FAT3: variants seen among roughly 807,000 people sequenced by gnomAD.
FAT3 encodes the protein protocadherin Fat 3.
FAT3 carries 95 observed loss-of-function variants against 310.2 expected under a neutral mutation model. That is an observed-to-expected ratio of 0.31 (90% CI 0.26 to 0.36). The LOEUF (loss-of-function observed/expected upper bound fraction) is 0.36. Among genes scored for constraint, FAT3 ranks in the 10% least tolerant of loss-of-function variants. The pLI is 1.00. For missense variants in FAT3, 5,408 were observed against 5,715.6 expected, an observed-to-expected ratio of 0.95 and a Z score of 1.74; for synonymous variants, 2,314 against 2,192.9, an observed-to-expected ratio of 1.06 and a Z score of -1.54.
chr11:92,640,342 G>A (rs2135726020), intron 3 of FAT3, among the ~76,000 whole-genome samples: 1 of 152,182 alleles, frequency 6.6e-6, no homozygotes, highest in South Asian at 2.1e-4. Flanking sequence ...TGAACATGAT[G>A]TTTGCTTTTA....
chr11:92,573,557 G>A (rs2135510988), intron 3 of FAT3, among the ~76,000 whole-genome samples: 1 of 152,286 alleles, frequency 6.6e-6, no homozygotes, highest in East Asian at 1.9e-4. Context: ...ATGATCTTAA[G>A]ATGATATCAT....
intron 19 of FAT3, among the ~76,000 whole-genome samples, chr11:92,856,594 T>C (rs563776198): frequency 6.8e-4 from 104 of 152,290 alleles, no homozygotes; most frequent in African/African-American, 2.3e-3. Flanking sequence ...AGCCTTCCCT[T>C]GCCAAGGATA....
Position 92,392,874 on chromosome 11 carries a change from T to C in FAT3, c.3292+37470T>C, listed in dbSNP as rs187103939. Among the ~76,000 whole-genome samples, 2 of 152,276 alleles carry C rather than the reference T, an allele frequency of 1.3e-5. 1 individual carries two copies. The highest frequency in any genetic ancestry group is 3.9e-4 in the East Asian group (2 of 5,182). On this transcript the variant is annotated intron_variant, in intron 2 of 27. Transcript: ENST00000525166. ...TAGCAGGTGATCAGCAAATATTTGT[T>C]GATTGACTGAATGAATCTGATGAAG...
intron 1 of FAT3, among the ~76,000 whole-genome samples, chr11:92,269,162 A>C (rs1277641538): frequency 6.6e-6 from 1 of 152,160 alleles, no homozygotes; most frequent in African/African-American, 2.4e-5. Context: ...GAAGGTCAAA[A>C]GTTAAGTTAA....
chr11:92,564,918 C>G (rs1955373503), intron 3 of FAT3, among the ~76,000 whole-genome samples: 1 of 140,124 alleles, frequency 7.1e-6, no homozygotes, highest in South Asian at 2.7e-4. Context: ...GCACTAAATG[C>G]CCACAAGAGA....
chr11:92,759,600 G>A (rs887861221), intron 4 of FAT3, among the ~76,000 whole-genome samples: 1 of 152,076 alleles, frequency 6.6e-6, no homozygotes, highest in Non-Finnish European at 1.5e-5. Context: ...TGCCCTTATG[G>A]CCTGAGGGAG....
intron 2 of FAT3, among the ~76,000 whole-genome samples, chr11:92,462,236 A>C (rs1390638634): frequency 1.3e-5 from 2 of 152,006 alleles, no homozygotes; most frequent in African/African-American, 2.4e-5. Flanking sequence ...ATTGCATGTC[A>C]TGGGGGTTTG....
rs758067282 is a variant in FAT3, at chr11:92,840,546, A to G, written c.10369-16A>G. The G allele has an allele frequency of 6.4e-6, 10 of 1,554,362 alleles. No individual in the cohort carries two copies. The highest frequency in any genetic ancestry group is 3.6e-5 in the Admixed American group (2 of 55,268). ...TAATTTTTATCTTCATTTTTACTAT[A>G]TACTCTTTTATGCAGGAAAATAAGC... On this transcript the variant is annotated splice_polypyrimidine_tract_variant and intron_variant, in intron 17 of 27. Transcript: ENST00000525166.
At chr11:92,675,325 A>G (rs902878898) in intron 3 of FAT3, among the ~76,000 whole-genome samples, 1 of 152,244 alleles carries the variant, frequency 6.6e-6, no homozygotes, top group African/African-American at 2.4e-5. Context: ...TTGCAACTAT[A>G]TAGTGGTGAA....
chr11:92,607,591 A>C (rs515494), intron 3 of FAT3, among the ~76,000 whole-genome samples: 85,309 of 151,982 alleles, frequency 0.56, 25,360 homozygotes, highest in African/African-American at 0.76. Context: ...TTCAGTTGTA[A>C]AACAAATTAA....
chr11:92,587,705 A>G (rs1035465146), intron 3 of FAT3, among the ~76,000 whole-genome samples: 1 of 151,930 alleles, frequency 6.6e-6, no homozygotes, highest in Non-Finnish European at 1.5e-5. Context: ...GGGTGGTTTC[A>G]GAGTATATGG....
At position 92,396,745 on chromosome 11, in the gene FAT3, T is replaced by C. The variant is rs150567156; in HGVS notation, c.3292+41341T>C. ...TTTTGAGATGGACTTTCATTCTTGTTGCTCAAGCTGGAGTGTGGTGGTGCA... is the reference window on the plus strand; with the variant it reads ...TTTTGAGATGGACTTTCATTCTTGTCGCTCAAGCTGGAGTGTGGTGGTGCA... On this transcript the variant is annotated intron_variant, in intron 2 of 27. Coordinates refer to ENST00000525166, the MANE Select transcript of FAT3 (RefSeq NM_001367949.2). Among the ~76,000 whole-genome samples, 191 of 152,298 alleles carry C rather than the reference T, an allele frequency of 1.3e-3. No individual in the cohort carries two copies. In the East Asian group the frequency reaches 0.029, roughly 23 times the overall value.
chr11:92,529,542 TG>T (rs544701560), intron 3 of FAT3, among the ~76,000 whole-genome samples: 101 of 152,356 alleles, frequency 6.6e-4, no homozygotes, highest in African/African-American at 2.2e-3. Flanking sequence ...TTTTTTGTTT[TG>T]TTTTTTTTGT....
chr11:92,379,217 G>T (rs756808032), intron 2 of FAT3, among the ~76,000 whole-genome samples: 18 of 152,070 alleles, frequency 1.2e-4, no homozygotes, highest in Non-Finnish European at 2.5e-4. Context: ...TTTATAATAA[G>T]TGAGTTATTT....
intron 3 of FAT3, among the ~76,000 whole-genome samples, chr11:92,628,296 C>T (rs989998674): frequency 3.3e-5 from 5 of 152,042 alleles, no homozygotes; most frequent in African/African-American, 9.7e-5. Flanking sequence ...ACTTGACTCT[C>T]TTCATAAGGC....
chr11:92,249,763 A>G (rs949340440), intron 1 of FAT3, among the ~76,000 whole-genome samples: 14 of 152,144 alleles, frequency 9.2e-5, no homozygotes, highest in African/African-American at 3.4e-4. Context: ...AGGTGCCAGC[A>G]GCAAACCCTC....
chr11:92,774,637 C>T (rs1051304702), intron 7 of FAT3, among the ~76,000 whole-genome samples: 3 of 152,180 alleles, frequency 2.0e-5, no homozygotes, highest in East Asian at 1.9e-4. Context: ...CAAGGTCACA[C>T]AGCCTTAGTA....
chr11:92,771,431 A>G (rs996364981), intron 6 of FAT3, among the ~76,000 whole-genome samples: 4 of 152,124 alleles, frequency 2.6e-5, no homozygotes, highest in Admixed American at 6.6e-5. Flanking sequence ...AGGTTATTAA[A>G]TTGTGTGAGG....
intron 3 of FAT3, among the ~76,000 whole-genome samples, chr11:92,655,551 TTGTTGTTTCTC>T (rs1191014372): frequency 6.6e-6 from 1 of 152,116 alleles, no homozygotes. Context: ...ATTGTGACTG[TTGTTGTTTCTC>T]TGTATATTTC....
Sources: gnomAD v4.1 joint callset for allele counts (sites outside exome capture counted in the v4.1 genomes callset) on GRCh38, gnomAD v4.1.1 for gene constraint, MANE v1.5 for transcripts, NCBI Gene and HGNC (gene_info 2026-07-23, HGNC 2026-07-21) for gene names.